ANGPT1: variants seen among roughly 807,000 people sequenced by gnomAD.
ANGPT1 encodes the protein angiopoietin 1.
ANGPT1 carries 17 observed loss-of-function variants against 62.2 expected under a neutral mutation model. That is an observed-to-expected ratio of 0.27 (90% CI 0.19 to 0.41). ANGPT1 has a LOEUF of 0.41. Among genes scored for constraint, ANGPT1 ranks in the 10% least tolerant of loss-of-function variants. The pLI is 1.00. For synonymous variants in ANGPT1, 199 were observed against 198.9 expected (o/e 1.00, Z 0.00); for missense variants, 478 against 594.9 (o/e 0.80, Z 2.04).
intron 1 of ANGPT1, among the ~76,000 whole-genome samples, chr8:107,456,863 T>C (rs981966515): frequency 1.3e-5 from 2 of 152,090 alleles, no homozygotes; most frequent in South Asian, 2.1e-4. Context: ...TGCTAAAGAA[T>C]GAAATGGGAT....
intron 8 of ANGPT1, among the ~76,000 whole-genome samples, chr8:107,259,255 C>A (rs1813438518): frequency 6.6e-6 from 1 of 152,048 alleles, no homozygotes; most frequent in South Asian, 2.1e-4. Context: ...AATGCTAAGA[C>A]AATTATATTT....
intron 1 of ANGPT1, among the ~76,000 whole-genome samples, chr8:107,425,870 G>A (rs1811028342): frequency 6.6e-6 from 1 of 152,146 alleles, no homozygotes; most frequent in African/African-American, 2.4e-5. Flanking sequence ...CAACAAGCTT[G>A]AGTTGAGTTT....
chr8:107,308,793 A>C (rs1005383290), intron 4 of ANGPT1, among the ~76,000 whole-genome samples: 3 of 152,192 alleles, frequency 2.0e-5, no homozygotes, highest in Non-Finnish European at 4.4e-5. Flanking sequence ...GATAGAATAG[A>C]GACACAAACA....
intron 1 of ANGPT1, among the ~76,000 whole-genome samples, chr8:107,454,427 T>C (rs1447971823): frequency 1.3e-5 from 2 of 152,108 alleles, no homozygotes; most frequent in African/African-American, 4.8e-5. Context: ...TTAGAACAAG[T>C]TTTGAACCAG....
In ANGPT1 at chr8:107,479,724, G is replaced by A. The variant is rs142335609; in HGVS notation, c.297+17538C>T. Among the ~76,000 whole-genome samples the A allele has an allele frequency of 4.8e-4, 73 of 152,204 alleles. 1 individual carries two copies. The highest frequency in any genetic ancestry group is 1.5e-3 in the African/African-American group (64 of 41,554). ...AATCCAAATTCCCAGAGATTTTTATGATTTTTAATGATCAGAAAAATTTCA... is the reference window on the plus strand; with the variant it reads ...AATCCAAATTCCCAGAGATTTTTATAATTTTTAATGATCAGAAAAATTTCA... On this transcript the variant is annotated intron_variant, in intron 1 of 8. Coordinates refer to ENST00000517746, the MANE Select transcript of ANGPT1 (RefSeq NM_001146.5).
chr8:107,349,816 TCA>T (rs1815894297), intron 1 of ANGPT1, among the ~76,000 whole-genome samples: 1 of 152,110 alleles, frequency 6.6e-6, no homozygotes, highest in East Asian at 1.9e-4. Flanking sequence ...TGAGTGTTCA[TCA>T]AAACTACATG....
intron 1 of ANGPT1, among the ~76,000 whole-genome samples, chr8:107,474,881 T>C (rs944111642): frequency 2.0e-5 from 3 of 152,186 alleles, no homozygotes; most frequent in African/African-American, 7.2e-5. Flanking sequence ...TTACAAGGGA[T>C]GTGAAGGACC....
chr8:107,433,563 C>A (rs1811251921), intron 1 of ANGPT1, among the ~76,000 whole-genome samples: 1 of 152,168 alleles, frequency 6.6e-6, no homozygotes, highest in South Asian at 2.1e-4. Flanking sequence ...GCATTTTCCT[C>A]ATCTAGAAAA....
At chr8:107,400,209 T>G (rs1026224039) in intron 1 of ANGPT1, among the ~76,000 whole-genome samples, 1 of 152,200 alleles carries the variant, frequency 6.6e-6, no homozygotes, top group Non-Finnish European at 1.5e-5. Flanking sequence ...GTACATTTGG[T>G]AAGTTAAGTC....
intron 2 of ANGPT1, among the ~76,000 whole-genome samples, chr8:107,346,505 T>C (rs923596084): frequency 1.3e-5 from 2 of 152,144 alleles, no homozygotes; most frequent in Non-Finnish European, 2.9e-5. Context: ...CCTCATAACT[T>C]CATTTGAGAT....
intron 5 of ANGPT1, among the ~76,000 whole-genome samples, chr8:107,300,251 G>A (rs891500252): frequency 2.7e-5 from 4 of 150,628 alleles, no homozygotes; most frequent in Admixed American, 6.7e-5. Context: ...TTGTTAATCA[G>A]CTTGTAAATT....
chr8:107,456,833 C>G (rs953328581), intron 1 of ANGPT1, among the ~76,000 whole-genome samples: 2 of 152,014 alleles, frequency 1.3e-5, no homozygotes, highest in Non-Finnish European at 2.9e-5. Context: ...GAGCATCTTA[C>G]TTTCCTAGGT....
intron 5 of ANGPT1, among the ~76,000 whole-genome samples, chr8:107,296,060 T>A (rs1476043901): frequency 6.6e-6 from 1 of 152,130 alleles, no homozygotes; most frequent in Non-Finnish European, 1.5e-5. Flanking sequence ...GATTCAGAAT[T>A]GAATCCTATG....
chr8:107,387,702 G>T (rs1393042320), intron 1 of ANGPT1, among the ~76,000 whole-genome samples: 1 of 151,870 alleles, frequency 6.6e-6, no homozygotes, highest in East Asian at 1.9e-4. Flanking sequence ...GAAAAAAATG[G>T]TAGGAAATGT....
At chr8:107,391,417 A>C (rs1816832838) in intron 1 of ANGPT1, among the ~76,000 whole-genome samples, 1 of 152,206 alleles carries the variant, frequency 6.6e-6, no homozygotes, top group Admixed American at 6.5e-5. Flanking sequence ...TTGTAATCCC[A>C]GCACTTCTGG....
intron 1 of ANGPT1, among the ~76,000 whole-genome samples, chr8:107,411,441 T>A (rs939482650): frequency 2.6e-5 from 4 of 152,034 alleles, no homozygotes; most frequent in African/African-American, 9.7e-5. Context: ...TCAATGAAAT[T>A]GATAAAAAGA....
intron 1 of ANGPT1, among the ~76,000 whole-genome samples, chr8:107,450,951 T>TTTTGCA (rs1811762161): frequency 6.6e-6 from 1 of 151,818 alleles, no homozygotes; most frequent in African/African-American, 2.4e-5. Flanking sequence ...AGGCAATGTA[T>TTTTGCA]GACTGCCTTC....
At chr8:107,478,711 T>G (rs983358819) in intron 1 of ANGPT1, among the ~76,000 whole-genome samples, 1 of 152,158 alleles carries the variant, frequency 6.6e-6, no homozygotes, top group Non-Finnish European at 1.5e-5. Flanking sequence ...TTGTCAATAG[T>G]TTTATGTGCA....
At chr8:107,297,505 C>T (rs1192499036) in intron 5 of ANGPT1, among the ~76,000 whole-genome samples, 1 of 150,920 alleles carries the variant, frequency 6.6e-6, no homozygotes, top group Non-Finnish European at 1.5e-5. Context: ...TTATGCTACG[C>T]ATTATACACT....
Sources: gnomAD v4.1 joint callset for allele counts (sites outside exome capture counted in the v4.1 genomes callset) on GRCh38, gnomAD v4.1.1 for gene constraint, MANE v1.5 for transcripts, NCBI Gene and HGNC (gene_info 2026-07-23, HGNC 2026-07-21) for gene names.